The following DBX2 variants were observed in gnomAD, a reference collection of about 807,000 sequenced individuals.
The protein encoded by DBX2 is homeobox protein DBX2.
DBX2 carries 16 observed loss-of-function variants against 17.7 expected under a neutral mutation model. The observed-to-expected ratio is 0.90, with a 90% CI of 0.61 to 1.37. The LOEUF (loss-of-function observed/expected upper bound fraction) is 1.37. Ranked by LOEUF, DBX2 falls within the 40% of genes most tolerant of loss-of-function variation. DBX2 has a pLI of 0.00. For missense variants in DBX2, 538 were observed against 433.8 expected (o/e 1.24, Z -2.13); for synonymous variants, 255 against 183.8 (o/e 1.39, Z -3.13).
chr12:45,048,124 CA>C, intron 1 of DBX2, among the ~76,000 whole-genome samples: 1 of 151,976 alleles, frequency 6.6e-6, no homozygotes, highest in Non-Finnish European at 1.5e-5. Flanking sequence ...TAGTAGGTAA[CA>C]AAAAATAACG....
chr12:45,031,147 G>A (rs182075274), intron 2 of DBX2, among the ~76,000 whole-genome samples: 166 of 149,408 alleles, frequency 1.1e-3, no homozygotes, highest in African/African-American at 3.8e-3. Context: ...TATCTTTCAG[G>A]GGCTTCTCTT....
chr12:45,024,483 T>C (rs1166422537), intron 2 of DBX2, among the ~76,000 whole-genome samples: 2 of 152,236 alleles, frequency 1.3e-5, no homozygotes, highest in Non-Finnish European at 1.5e-5. Flanking sequence ...CCAATTTGCA[T>C]GCCACATCAA....
intron 1 of DBX2, among the ~76,000 whole-genome samples, chr12:45,042,473 TGTTAACACATGGG>T (rs1386909603): frequency 6.6e-6 from 1 of 152,162 alleles, no homozygotes; most frequent in Non-Finnish European, 1.5e-5. Flanking sequence ...GCAAGGATGG[TGTTAACACATGGG>T]GCAGGTGAAG....
At chr12:45,031,043 T>C (rs1239345524) in intron 2 of DBX2, among the ~76,000 whole-genome samples, 2 of 152,178 alleles carry the variant, frequency 1.3e-5, no homozygotes, top group African/African-American at 2.4e-5. Flanking sequence ...CTCTCCCTCC[T>C]GGAGTCAATT....
At position 45,050,823 on chromosome 12, in the gene DBX2, G is replaced by C; in HGVS notation, c.105C>G (p.Gly35=). The part of the protein sequence containing the change: ...LPAAPGFGNL[G]KSFLIENLLR... ...GCAAATTCTCGATCAGGAAACTCTT[G>C]CCCAGGTTGCCAAAGCCGGGCGCAG... Residue 35 remains glycine (G), a synonymous_variant, in exon 1 of 4, where the codon GGC becomes GGG. Transcript: ENST00000332700. 6.5e-7 allele frequency: 1 copy of C among 1,538,372 alleles called. No homozygotes were observed. Among genetic ancestry groups the C allele is most frequent in the South Asian group, 1.2e-5 (1 of 81,968 alleles).
At chr12:45,019,926 G>A (rs893127947) in intron 3 of DBX2, among the ~76,000 whole-genome samples, 1 of 152,032 alleles carries the variant, frequency 6.6e-6, no homozygotes, top group African/African-American at 2.4e-5. Context: ...ATACGCATGA[G>A]CTTTTACTAC....
rs1178634657 is a variant in DBX2, at chr12:45,050,668, G to A, written c.260C>T (p.Pro87Leu). The change falls in exon 1 of 4, where the codon CCC becomes CTC. Residue 87 changes from proline (P) to leucine (L), a missense_variant. Physicochemically the swap from Pro to Leu is moderately conservative, Grantham distance 98. Coordinates refer to ENST00000332700, the MANE Select transcript of DBX2 (RefSeq NM_001004329.3). ...PASPVPLKLCPAAEQVSPAGA... is the reference protein window; with the variant it reads ...PASPVPLKLCLAAEQVSPAGA... ...GGCGGGGCTAACTTGTTCGGCTGCGGGGCACAGCTTTAGGGGAACTGGGCT... is the reference window on the plus strand; with the variant it reads ...GGCGGGGCTAACTTGTTCGGCTGCGAGGCACAGCTTTAGGGGAACTGGGCT... 1 of 1,548,918 alleles carries A rather than the reference G, an allele frequency of 6.5e-7. No homozygotes were observed. The highest frequency in any genetic ancestry group is 8.7e-7 in the Non-Finnish European group (1 of 1,146,522).
chr12:45,050,206 G>C (rs1946522047), intron 1 of DBX2, among the ~76,000 whole-genome samples: 1 of 152,198 alleles, frequency 6.6e-6, no homozygotes, highest in Non-Finnish European at 1.5e-5. Flanking sequence ...GACTGATCCA[G>C]GCAGGCCGTA....
chr12:45,026,786 T>A (rs986045872), intron 2 of DBX2, among the ~76,000 whole-genome samples: 1 of 152,196 alleles, frequency 6.6e-6, no homozygotes. Flanking sequence ...ACTCTGTATC[T>A]CCTTTGAATT....
At chr12:45,030,639 T>C (rs1348721240) in intron 2 of DBX2, among the ~76,000 whole-genome samples, 3 of 152,216 alleles carry the variant, frequency 2.0e-5, no homozygotes, top group Non-Finnish European at 2.9e-5. Flanking sequence ...AGGCGTGCTA[T>C]ATAAAGGTGA....
At chr12:45,033,195 C>G (rs556566486) in intron 2 of DBX2, among the ~76,000 whole-genome samples, 1 of 152,230 alleles carries the variant, frequency 6.6e-6, no homozygotes, top group South Asian at 2.1e-4. Flanking sequence ...ATAAATGAAT[C>G]AGGTTAAGAG....
At position 45,050,536 on chromosome 12, in the gene DBX2, G is replaced by C; in HGVS notation, c.392C>G (p.Pro131Arg). 1 of 1,552,156 alleles carries C rather than the reference G, an allele frequency of 6.4e-7. No individual in the cohort carries two copies. Among genetic ancestry groups the C allele is most frequent in the African/African-American group, 1.4e-5 (1 of 73,000 alleles). The change falls in exon 1 of 4, where the codon CCT becomes CGT. Residue 131 changes from proline to arginine, a missense_variant. By Grantham distance (103) the Pro-to-Arg change is moderately radical. Transcript: ENST00000332700. ...GAGAGCTGGCTCACCTGGCGCTGAA[G>C]GCTGGAAGGTACAGTCTCGGTCCCC... ...APGDRDCTFQ[P>R]SAPAPSKPFL... is the part of the protein sequence containing the mutation.
chr12:45,022,212 G>A (rs574547081), intron 3 of DBX2, among the ~76,000 whole-genome samples: 12 of 151,598 alleles, frequency 7.9e-5, no homozygotes, highest in South Asian at 2.1e-4. Context: ...CACCTCGTGC[G>A]GCTTCCTACT....
chr12:45,018,332 T>C (rs1243629247), intron 3 of DBX2, among the ~76,000 whole-genome samples: 1 of 152,158 alleles, frequency 6.6e-6, no homozygotes, highest in Non-Finnish European at 1.5e-5. Context: ...TGTCAAGTGA[T>C]ATCTCAAAGA....
At chr12:45,039,061 C>T (rs1428921845) in intron 1 of DBX2, among the ~76,000 whole-genome samples, 1 of 151,672 alleles carries the variant, frequency 6.6e-6, no homozygotes, top group African/African-American at 2.4e-5. Flanking sequence ...TGCATATTTA[C>T]ACACGAGTTT....
chr12:45,029,911 T>TAAATAAATAAAA lies in DBX2; in HGVS notation c.500-6018_500-6017insTTTTATTTATTT, dbSNP rs1478147925. Among the ~76,000 whole-genome samples the TAAATAAATAAAA allele has an allele frequency of 2.9e-3, 422 of 144,394 alleles. 3 individuals are homozygous for TAAATAAATAAAA. Among genetic ancestry groups the TAAATAAATAAAA allele is most frequent in the Middle Eastern group, 0.022 (6 of 278 alleles). 94.7% of individuals were successfully genotyped at this position (144,394 alleles called of 152,430 possible). A position where few individuals can be genotyped will look rare whatever the true frequency, so the allele number is the denominator to read the frequency against. ...ATAAATAAATAAATAAATAAATAAATAAAAATAAAGAATGACCTGGGATAG... is the reference window on the plus strand; with the variant it reads ...ATAAATAAATAAATAAATAAATAAATAAATAAATAAAAAAAAATAAAGAATGACCTGGGATAG... On this transcript the variant is annotated intron_variant, in intron 2 of 3. Coordinates refer to ENST00000332700, the MANE Select transcript of DBX2 (RefSeq NM_001004329.3).
Position 45,050,745 on chromosome 12 carries a change from G to C in DBX2, c.183C>G (p.Asp61Glu). 1 of 1,500,916 alleles carries C rather than the reference G, an allele frequency of 6.7e-7. No homozygotes were observed. Among genetic ancestry groups the C allele is most frequent in the Non-Finnish European group, 8.9e-7 (1 of 1,126,270 alleles). 93.0% of individuals were successfully genotyped at this position (1,500,916 alleles called of 1,614,324 possible). ...CCGCGGTGGCCAGGGCGGTCGCCGGGTCGTGGGGCGCGGGCGGCTGCAGCC... is the reference window on the plus strand; with the variant it reads ...CCGCGGTGGCCAGGGCGGTCGCCGGCTCGTGGGGCGCGGGCGGCTGCAGCC... ...TPRLQPPAPH[D>E]PATALATAGA... Residue 61 changes from aspartate (D) to glutamate (E), a missense_variant, in exon 1 of 4, where the codon GAC becomes GAG. By Grantham distance (45) the Asp-to-Glu change is conservative. Coordinates refer to ENST00000332700, the MANE Select transcript of DBX2 (RefSeq NM_001004329.3).
intron 2 of DBX2, among the ~76,000 whole-genome samples, chr12:45,026,571 T>A (rs1946382663): frequency 1.3e-5 from 2 of 152,188 alleles, no homozygotes; most frequent in South Asian, 4.1e-4. Context: ...GTACTAACCC[T>A]ACACAATACT....
rs1460594583 is a variant in DBX2 at position 45,015,507 on chromosome 12, G to C, written c.*779C>G. 1 of 152,064 alleles carries C rather than the reference G, an allele frequency of 6.6e-6. No homozygotes were observed. The highest frequency in any genetic ancestry group is 1.5e-5 in the Non-Finnish European group (1 of 68,034). The allele number at this position is 152,064 out of a possible 1,614,324, so 9.4% of individuals were successfully genotyped here. On this transcript the variant is annotated 3_prime_UTR_variant, in exon 4 of 4. Coordinates refer to ENST00000332700, the MANE Select transcript of DBX2 (RefSeq NM_001004329.3). Reference sequence around the variant, plus strand: ...CTATTTACCTGACAGGCTCTTAAAGGCATTTTATTTTGCAAACCCTGGTCT... The same window carrying C: ...CTATTTACCTGACAGGCTCTTAAAGCCATTTTATTTTGCAAACCCTGGTCT...
Sources: allele counts gnomAD v4.1 joint callset (sites outside exome capture counted in the v4.1 genomes callset), GRCh38; gene constraint gnomAD v4.1.1; transcripts MANE v1.5; gene names NCBI Gene and HGNC (gene_info 2026-07-23, HGNC 2026-07-21).